Variants in TMEM150A observed in about 807,000 individuals in gnomAD.
TMEM150A encodes transmembrane protein 150A.
In TMEM150A, 18 loss-of-function variants were observed where a neutral mutation model predicts 29.8. That is an observed-to-expected ratio of 0.60 (90% CI 0.42 to 0.90). The LOEUF is 0.90. Among genes scored for constraint, TMEM150A ranks in the 40% least tolerant of loss-of-function variants. The pLI is 0.00. For missense variants in TMEM150A, 251 were observed against 349.7 expected, an observed-to-expected ratio of 0.72 and a Z score of 2.25; for synonymous variants, 127 against 143.6, an observed-to-expected ratio of 0.88 and a Z score of 0.83.
Position 85,602,256 on chromosome 2 carries a change from G to C in TMEM150A, c.-116-192C>G, listed in dbSNP as rs1352499578. 1 of 312,560 alleles carries C rather than the reference G, an allele frequency of 3.2e-6. No individual in the cohort carries two copies. The highest frequency in any genetic ancestry group is 6.2e-6 in the Non-Finnish European group (1 of 162,114). 19.4% of individuals were successfully genotyped at this position (312,560 alleles called of 1,614,324 possible). Reference sequence around the variant, plus strand: ...TCAACCCAAATGCCACCGGCGTGCTGAGAGACGCAGGCGGACCGTAACATC... The same window carrying C: ...TCAACCCAAATGCCACCGGCGTGCTCAGAGACGCAGGCGGACCGTAACATC... On this transcript the variant is annotated intron_variant, in intron 1 of 7. Coordinates refer to ENST00000334462, the MANE Select transcript of TMEM150A (RefSeq NM_001031738.3). This position sits in a 1 kb window ranked among gnomAD's most constrained non-coding sequence, Gnocchi z 5.6.
Position 85,601,081 on chromosome 2 carries a change from T to C in TMEM150A, c.140A>G (p.Asp47Gly). 6.2e-7 allele frequency: 1 copy of C among 1,612,572 alleles called. No individual in the cohort carries two copies. Among genetic ancestry groups the C allele is most frequent in the Non-Finnish European group, 8.5e-7 (1 of 1,179,512 alleles). The change falls in exon 4 of 8, where the codon GAC becomes GGC. Residue 47 changes from aspartate (D) to glycine (G), a missense_variant. Physicochemically the swap from Asp to Gly is moderately conservative, Grantham distance 94. Transcript: ENST00000334462. The surrounding 1 kb of genome is among the most constrained non-coding windows in gnomAD (Gnocchi z 4.0). ...CTTGGGACCCCCTTGCTCAGCAGGG[T>C]CAGGAGGGCAGGACTCGTTGTAGGA... ...NWSYNESCPPDPAEQGGPKTC... is the reference protein window; with the variant it reads ...NWSYNESCPPGPAEQGGPKTC...
In TMEM150A at chr2:85,602,070, G is replaced by A; in HGVS notation, c.-116-6C>T. ...CAACCATCAGCTGTCCTGGCCTGGTGGAGAGAGATCAAAGTCCAGGAGTGG... is the reference window on the plus strand; with the variant it reads ...CAACCATCAGCTGTCCTGGCCTGGTAGAGAGAGATCAAAGTCCAGGAGTGG... On this transcript the variant is annotated splice_region_variant and splice_polypyrimidine_tract_variant and intron_variant, in intron 1 of 7. Transcript: ENST00000334462. The surrounding 1 kb of genome is among the most constrained non-coding windows in gnomAD (Gnocchi z 5.6). 1.1e-6 allele frequency: 1 copy of A among 876,664 alleles called. No individual in the cohort carries two copies. The allele number at this position is 876,664 out of a possible 1,614,324, so 54.3% of individuals were successfully genotyped here.
In TMEM150A at chr2:85,599,164, G is replaced by T. The variant is rs762316080; in HGVS notation, c.728C>A (p.Pro243His). 1 of 1,613,704 alleles carries T rather than the reference G, an allele frequency of 6.2e-7. No individual in the cohort carries two copies. The change falls in exon 8 of 8, where the codon CCT becomes CAT. Residue 243 changes from proline (P) to histidine (H), a missense_variant. Transcript: ENST00000334462. This position sits in a 1 kb window ranked among gnomAD's most constrained non-coding sequence, Gnocchi z 6.0. ...GGACTTGCAGGCCCGGCCAGGGGTA[G>T]GCTGCAGTGCAGCCACCAGTGTGTC... ...SSDTLVAALQ[P>H]TPGRACKSSG...
At position 85,599,814 on chromosome 2, in the gene TMEM150A, A is replaced by C. The variant is rs1672828160; in HGVS notation, c.396+77T>G. 4 of 1,607,712 alleles carry C rather than the reference A, an allele frequency of 2.5e-6. No homozygotes were observed. The highest frequency in any genetic ancestry group is 3.4e-6 in the Non-Finnish European group (4 of 1,176,698). ...CTTCCTCTCCCTCTTTCCAGCCCCAACCTTGAGGTGCCACACTGCAGGCAG... is the reference window on the plus strand; with the variant it reads ...CTTCCTCTCCCTCTTTCCAGCCCCACCCTTGAGGTGCCACACTGCAGGCAG... On this transcript the variant is annotated intron_variant, in intron 6 of 7. Coordinates refer to ENST00000334462, the MANE Select transcript of TMEM150A (RefSeq NM_001031738.3). This position sits in a 1 kb window ranked among gnomAD's most constrained non-coding sequence, Gnocchi z 6.0.
chr2:85,600,381 G>A lies in TMEM150A; in HGVS notation c.232C>T (p.Leu78Phe), dbSNP rs1288707839. The A allele has an allele frequency of 1.2e-6, 2 of 1,614,032 alleles. No individual in the cohort carries two copies. Among genetic ancestry groups the A allele is most frequent in the South Asian group, 1.1e-5 (1 of 91,078 alleles). Residue 78 changes from leucine (L) to phenylalanine (F), a missense_variant, in exon 5 of 8, where the codon CTC (leucine) becomes TTC (phenylalanine). Physicochemically the swap from Leu to Phe is conservative, Grantham distance 22. Coordinates refer to ENST00000334462, the MANE Select transcript of TMEM150A (RefSeq NM_001031738.3). ...KCGSYPPESCLFSLIGNMGAF... is the reference protein window; with the variant it reads ...KCGSYPPESCFFSLIGNMGAF... Reference sequence around the variant, plus strand: ...CCCATGTTGCCAATGAGGCTGAAGAGGCAGCTTTCTGGGGGATAGGAGCCA... The same window carrying A: ...CCCATGTTGCCAATGAGGCTGAAGAAGCAGCTTTCTGGGGGATAGGAGCCA...
Position 85,602,271 on chromosome 2 carries a change from A to T in TMEM150A, c.-116-207T>A. 1 of 289,078 alleles carries T rather than the reference A, an allele frequency of 3.5e-6. No homozygotes were observed. Among genetic ancestry groups the T allele is most frequent in the Admixed American group, 4.6e-5 (1 of 21,858 alleles). 17.9% of individuals were successfully genotyped at this position (289,078 alleles called of 1,614,324 possible). The stretch of plus-strand genomic sequence containing the variant: ...CCGGCGTGCTGAGAGACGCAGGCGG[A>T]CCGTAACATCTGGAAGGGAGTTACC... On this transcript the variant is annotated intron_variant, in intron 1 of 7. Coordinates refer to ENST00000334462, the MANE Select transcript of TMEM150A (RefSeq NM_001031738.3). The surrounding 1 kb of genome is among the most constrained non-coding windows in gnomAD (Gnocchi z 5.6).
At position 85,602,577 on chromosome 2, in the gene TMEM150A, C is replaced by G. The variant is rs551215924; in HGVS notation, c.-117+30G>C. On this transcript the variant is annotated intron_variant, in intron 1 of 7. Coordinates refer to ENST00000334462, the MANE Select transcript of TMEM150A (RefSeq NM_001031738.3). The surrounding 1 kb of genome is among the most constrained non-coding windows in gnomAD (Gnocchi z 5.6). ...GAGTCCCCAGGTGATTCCTGGAAGC[C>G]CGGAGGAAGGGAAGGAGCCCAGTAC... 1 of 152,214 alleles carries G rather than the reference C, an allele frequency of 6.6e-6. No homozygotes were observed. Among genetic ancestry groups the G allele is most frequent in the Non-Finnish European group, 1.5e-5 (1 of 68,058 alleles). 9.4% of individuals were successfully genotyped at this position (152,214 alleles called of 1,614,324 possible).
Position 85,599,444 on chromosome 2 carries a change from G to A in TMEM150A, c.574+81C>T. ...CCTCTCCCCCACATGGCAGTGTTAG[G>A]CCTCCACCCCCCATCCTCTTGGGAG... On this transcript the variant is annotated intron_variant, in intron 7 of 7. Coordinates refer to ENST00000334462, the MANE Select transcript of TMEM150A (RefSeq NM_001031738.3). The surrounding 1 kb of genome is among the most constrained non-coding windows in gnomAD (Gnocchi z 6.0). 2.6e-6 allele frequency: 4 copies of A among 1,566,884 alleles called. No individual in the cohort carries two copies. In the Admixed American group the frequency reaches 7.3e-5, roughly 29 times the overall value.
Position 85,599,050 on chromosome 2 carries a change from G to A in TMEM150A, c.*26C>T. ...AGATATGGGGTGGGGTGCTGTGGAG[G>A]CCGGGCCAGCCACCCTCCCCAGACC... On this transcript the variant is annotated 3_prime_UTR_variant, in exon 8 of 8. Transcript: ENST00000334462. This position sits in a 1 kb window ranked among gnomAD's most constrained non-coding sequence, Gnocchi z 6.0. The A allele has an allele frequency of 1.9e-6, 3 of 1,600,538 alleles. No individual in the cohort carries two copies. Among genetic ancestry groups the A allele is most frequent in the Non-Finnish European group, 1.7e-6 (2 of 1,170,154 alleles).
chr2:85,598,961 G>T lies in TMEM150A; in HGVS notation c.*115C>A. On this transcript the variant is annotated 3_prime_UTR_variant, in exon 8 of 8. Coordinates refer to ENST00000334462, the MANE Select transcript of TMEM150A (RefSeq NM_001031738.3). Reference sequence around the variant, plus strand: ...GGGATGGCCACTTCTCCAGAAGTGAGGAAGCCCAGATCCCAACAGAATACT... The same window carrying T: ...GGGATGGCCACTTCTCCAGAAGTGATGAAGCCCAGATCCCAACAGAATACT... 1 of 1,444,478 alleles carries T rather than the reference G, an allele frequency of 6.9e-7. No homozygotes were observed. 89.5% of individuals were successfully genotyped at this position (1,444,478 alleles called of 1,614,324 possible).
rs1180670578 is a variant in TMEM150A at position 85,601,019 on chromosome 2, A to T, written c.200+2T>A. 1.2e-6 allele frequency: 2 copies of T among 1,612,192 alleles called. No individual in the cohort carries two copies. The highest frequency in any genetic ancestry group is 1.7e-6 in the Non-Finnish European group (2 of 1,179,362). On this transcript the variant is annotated splice_donor_variant, in intron 4 of 7. Transcript: ENST00000334462. LOFTEE classifies it high-confidence loss of function. This position sits in a 1 kb window ranked among gnomAD's most constrained non-coding sequence, Gnocchi z 4.0. ...CTGACCGGCCCAATGTCCAGGCCTTACCTGATGAGGGGGACATCGTCCAGG... is the reference window on the plus strand; with the variant it reads ...CTGACCGGCCCAATGTCCAGGCCTTTCCTGATGAGGGGGACATCGTCCAGG...
chr2:85,599,072 G>A lies in TMEM150A; in HGVS notation c.*4C>T. ...GAGGCCGGGCCAGCCACCCTCCCCA[G>A]ACCTTAGATCATAGCGATGCTCTCG... On this transcript the variant is annotated 3_prime_UTR_variant, in exon 8 of 8. Transcript: ENST00000334462. This position sits in a 1 kb window ranked among gnomAD's most constrained non-coding sequence, Gnocchi z 6.0. The A allele has an allele frequency of 6.2e-7, 1 of 1,610,236 alleles. No homozygotes were observed. Among genetic ancestry groups the A allele is most frequent in the Non-Finnish European group, 8.5e-7 (1 of 1,177,436 alleles).
rs1477438655 is a variant in TMEM150A at position 85,601,244 on chromosome 2, T to G, written c.114-137A>C. ...AAGATCCCACTCCCCAGTGCCCGCC[T>G]GAAGCAGTAACCAAAGGGGCAAAGG... On this transcript the variant is annotated intron_variant, in intron 3 of 7. Transcript: ENST00000334462. This position sits in a 1 kb window ranked among gnomAD's most constrained non-coding sequence, Gnocchi z 4.0. The G allele has an allele frequency of 3.4e-6, 4 of 1,184,264 alleles. No individual in the cohort carries two copies. Among genetic ancestry groups the G allele is most frequent in the Non-Finnish European group, 5.0e-6 (4 of 802,418 alleles). 73.4% of individuals were successfully genotyped at this position (1,184,264 alleles called of 1,614,324 possible).
Position 85,601,185 on chromosome 2 carries a change from A to G in TMEM150A, c.114-78T>C. 1 of 1,463,600 alleles carries G rather than the reference A, an allele frequency of 6.8e-7. No individual in the cohort carries two copies. The highest frequency in any genetic ancestry group is 2.3e-5 in the East Asian group (1 of 43,354). 90.7% of individuals were successfully genotyped at this position (1,463,600 alleles called of 1,614,324 possible). ...TGGCCTATAGCCTCAGGCCTCAAAG[A>G]GGACTCTCTCCCAGACCTCCCCTAC... On this transcript the variant is annotated intron_variant, in intron 3 of 7. Transcript: ENST00000334462. This position sits in a 1 kb window ranked among gnomAD's most constrained non-coding sequence, Gnocchi z 4.0.
Position 85,601,616 on chromosome 2 carries a change from C to T in TMEM150A, c.66-134G>A. 4.7e-6 allele frequency: 5 copies of T among 1,064,002 alleles called. No individual in the cohort carries two copies. The highest frequency in any genetic ancestry group is 6.9e-6 in the Non-Finnish European group (5 of 729,850). The allele number at this position is 1,064,002 out of a possible 1,614,324, so 65.9% of individuals were successfully genotyped here. A position where few individuals can be genotyped will look rare whatever the true frequency, so the allele number is the denominator to read the frequency against. ...TTGCTGGGGACTCAAGTTGAGGTCC[C>T]TAAGGCTTGATGCCACACCAGCACC... On this transcript the variant is annotated intron_variant, in intron 2 of 7. Coordinates refer to ENST00000334462, the MANE Select transcript of TMEM150A (RefSeq NM_001031738.3). The surrounding 1 kb of genome is among the most constrained non-coding windows in gnomAD (Gnocchi z 4.0).
chr2:85,601,079 G>C lies in TMEM150A; in HGVS notation c.142C>G (p.Pro48Ala). The C allele has an allele frequency of 6.2e-7, 1 of 1,612,540 alleles. No homozygotes were observed. Among genetic ancestry groups the C allele is most frequent in the South Asian group, 1.1e-5 (1 of 90,992 alleles). The change falls in exon 4 of 8, where the codon CCT (proline) becomes GCT (alanine). Residue 48 changes from proline to alanine, a missense_variant. By Grantham distance (27) the Pro-to-Ala change is conservative. Transcript: ENST00000334462. The surrounding 1 kb of genome is among the most constrained non-coding windows in gnomAD (Gnocchi z 4.0). The part of the protein sequence containing the change: ...WSYNESCPPD[P>A]AEQGGPKTCC... The stretch of plus-strand genomic sequence containing the variant: ...GTCTTGGGACCCCCTTGCTCAGCAG[G>C]GTCAGGAGGGCAGGACTCGTTGTAG...
intron 4 of TMEM150A, 187 bp from the exon 5 acceptor site, chr2:85,600,599 T>C: frequency 1.6e-6 from 1 of 609,996 alleles, no homozygotes; most frequent in Non-Finnish European, 3.0e-6. Flanking sequence ...GCAGAGCTCA[T>C]GTGTGTGAGA....
At position 85,601,175 on chromosome 2, in the gene TMEM150A, G is replaced by A. The variant is rs573393290; in HGVS notation, c.114-68C>T. 39 of 1,517,730 alleles carry A rather than the reference G, an allele frequency of 2.6e-5. No individual in the cohort carries two copies. In the East Asian group the frequency reaches 8.9e-4, roughly 35 times the overall value. The allele number at this position is 1,517,730 out of a possible 1,614,324, so 94.0% of individuals were successfully genotyped here. A position where few individuals can be genotyped will look rare whatever the true frequency, so the allele number is the denominator to read the frequency against. On this transcript the variant is annotated intron_variant, in intron 3 of 7. Transcript: ENST00000334462. This position sits in a 1 kb window ranked among gnomAD's most constrained non-coding sequence, Gnocchi z 4.0. Reference sequence around the variant, plus strand: ...CCCAGGCCCTTGGCCTATAGCCTCAGGCCTCAAAGAGGACTCTCTCCCAGA... The same window carrying A: ...CCCAGGCCCTTGGCCTATAGCCTCAAGCCTCAAAGAGGACTCTCTCCCAGA...
intron 4 of TMEM150A, chr2:85,600,732 A>G: frequency 1.8e-6 from 1 of 551,460 alleles, no homozygotes; most frequent in Non-Finnish European, 3.2e-6. Context: ...GCTTAAATCC[A>G]GGTGCCTCCG....
Sources: gnomAD v4.1 joint callset for allele counts on GRCh38, gnomAD v4.1.1 for gene constraint, Gnocchi (gnomAD v3.1) non-coding constraint, MANE v1.5 for transcripts, NCBI Gene and HGNC (gene_info 2026-07-23, HGNC 2026-07-21) for gene names.